Variants in SPATA22 observed in about 807,000 individuals in gnomAD.
SPATA22 encodes the protein spermatogenesis associated 22.
Under a neutral mutation model 47.8 loss-of-function variants are expected in SPATA22, and 29 were observed. That is an observed-to-expected ratio of 0.61 (90% CI 0.45 to 0.83). The LOEUF is 0.83. Among genes scored for constraint, SPATA22 ranks in the 40% least tolerant of loss-of-function variants. The probability of loss-of-function intolerance (pLI) is 0.00; values close to 1 mark genes in which losing one functional copy is unlikely to be tolerated. For missense variants in SPATA22, 410 were observed against 421.7 expected (o/e 0.97, Z 0.24); for synonymous variants, 133 against 140.9 (o/e 0.94, Z 0.40).
chr17:3,500,512 T>TTTTTGTTTTTTGG (rs1463285437), intron 1 of SPATA22: 1 of 2,620 alleles, frequency 3.8e-4, no homozygotes, highest in East Asian at 2.3e-3. Context: ...TGTTTTTTGT[T>TTTTTGTTTTTTGG]TTTTTTTTGA....
intron 1 of SPATA22, chr17:3,512,448 G>C: frequency 6.6e-6 from 1 of 152,198 alleles, no homozygotes; most frequent in South Asian, 2.1e-4. Context: ...TGCACTGCTA[G>C]GCCCCGACTC....
intron 7 of SPATA22, among the ~76,000 whole-genome samples, chr17:3,443,523 C>G (rs1429612450): frequency 6.6e-6 from 1 of 151,918 alleles, no homozygotes; most frequent in Non-Finnish European, 1.5e-5. Flanking sequence ...CAATAAATGG[C>G]CATCTGAAAC....
At position 3,467,539 on chromosome 17, in the gene SPATA22, G is replaced by T. The variant is rs1205492213; in HGVS notation, c.59C>A (p.Pro20Gln). The change falls in exon 3 of 9, where the codon CCG becomes CAG. Residue 20 changes from proline (P) to glutamine (Q), a missense_variant. Coordinates refer to ENST00000572969, the MANE Select transcript of SPATA22 (RefSeq NM_001170698.2). The part of the protein sequence containing the change: ...ARSTAGCLPV[P>Q]LFNQKKRNRQ... ...GTTCCTCTTTTTCTGATTGAACAACGGAACAGGCAAACAGCCTAAATTGAA... is the reference window on the plus strand; with the variant it reads ...GTTCCTCTTTTTCTGATTGAACAACTGAACAGGCAAACAGCCTAAATTGAA... The T allele has an allele frequency of 3.1e-6, 5 of 1,605,068 alleles. No individual in the cohort carries two copies. Among genetic ancestry groups the T allele is most frequent in the Non-Finnish European group, 3.4e-6 (4 of 1,176,072 alleles).
At chr17:3,471,936 C>T, upstream of SPATA22, 1 of 854,052 alleles carries the variant, frequency 1.2e-6, no homozygotes, top group Non-Finnish European at 1.4e-6. Flanking sequence ...TAACGCTCTT[C>T]CTTGGCGTTC....
intron 8 of SPATA22, 128 bp downstream of exon 8, chr17:3,443,046 T>C: frequency 1.6e-6 from 1 of 643,108 alleles, no homozygotes; most frequent in South Asian, 2.3e-5. Context: ...ACAACTTTCA[T>C]ATCAGAACTA....
chr17:3,484,341 G>T (rs1271846472), intron 1 of SPATA22, among the ~76,000 whole-genome samples: 1 of 152,166 alleles, frequency 6.6e-6, no homozygotes, highest in Non-Finnish European at 1.5e-5. Context: ...CCCTCAAACA[G>T]CTTCGTATGT....
upstream of SPATA22, chr17:3,475,984 A>G: frequency 1.6e-6 from 1 of 635,478 alleles, no homozygotes; most frequent in South Asian, 1.9e-5. Flanking sequence ...GGGAGTGTCC[A>G]TAAACGGGGC....
At chr17:3,482,037 A>G (rs888174142) in intron 1 of SPATA22, among the ~76,000 whole-genome samples, 1 of 152,212 alleles carries the variant, frequency 6.6e-6, no homozygotes, top group African/African-American at 2.4e-5. Context: ...ATAAAGTAAT[A>G]AAACACTTGT....
intron 1 of SPATA22, among the ~76,000 whole-genome samples, chr17:3,484,925 T>G (rs1267525586): frequency 1.3e-5 from 2 of 152,222 alleles, no homozygotes; most frequent in Admixed American, 1.3e-4. Context: ...TATCCCCTTC[T>G]GCAGGCTGAT....
At chr17:3,508,922 G>C (rs920212052) in intron 1 of SPATA22, among the ~76,000 whole-genome samples, 17 of 83,782 alleles carry the variant, frequency 2.0e-4, no homozygotes, top group Non-Finnish European at 4.3e-4. Context: ...AAAAAAAAAA[G>C]ACTTGGCATT....
intron 1 of SPATA22, among the ~76,000 whole-genome samples, chr17:3,505,337 T>C (rs1365037667): frequency 1.3e-5 from 2 of 152,224 alleles, no homozygotes; most frequent in Non-Finnish European, 2.9e-5. Context: ...TTTGTCTTAT[T>C]CTTTGTCGTA....
chr17:3,447,778 G>A (rs939907803), intron 6 of SPATA22, among the ~76,000 whole-genome samples: 12 of 152,120 alleles, frequency 7.9e-5, no homozygotes, highest in African/African-American at 2.9e-4. Context: ...AGCCACTGCT[G>A]GTGATGTAAC....
Position 3,468,958 on chromosome 17 carries a change from G to A in SPATA22, c.43+325C>T, listed in dbSNP as rs114239016. 2,677 of 493,158 alleles carry A rather than the reference G, an allele frequency of 5.4e-3. 85 individuals carry two copies. The highest frequency in any genetic ancestry group is 0.051 in the African/African-American group (2,505 of 49,246). The allele number at this position is 493,158 out of a possible 1,614,324, so 30.5% of individuals were successfully genotyped here. ...CTATTAGAAAGACAGAAGTGCTTCC[G>A]GAAATATTTTTAACAAGTAAGTCAC... On this transcript the variant is annotated intron_variant, in intron 2 of 8. Transcript: ENST00000572969.
At chr17:3,451,950 T>TAAAAAAAA (rs1322872514) in intron 5 of SPATA22, among the ~76,000 whole-genome samples, 1 of 126,626 alleles carries the variant, frequency 7.9e-6, no homozygotes, top group Non-Finnish European at 1.7e-5. Flanking sequence ...CTGTCTCAAT[T>TAAAAAAAA]AAAAAAAAAA....
At chr17:3,460,389 G>C (rs1257234710) in intron 5 of SPATA22, among the ~76,000 whole-genome samples, 1 of 151,954 alleles carries the variant, frequency 6.6e-6, no homozygotes, top group Non-Finnish European at 1.5e-5. Flanking sequence ...TTTTCATAAT[G>C]AGAATAGTAA....
chr17:3,480,861 T>G (rs1171984733), intron 1 of SPATA22, among the ~76,000 whole-genome samples: 1 of 152,226 alleles, frequency 6.6e-6, no homozygotes, highest in East Asian at 1.9e-4. Context: ...TCAGGTTAGA[T>G]CTCTTTCATT....
At chr17:3,460,449 T>C (rs758640451) in intron 5 of SPATA22, among the ~76,000 whole-genome samples, 2 of 152,134 alleles carry the variant, frequency 1.3e-5, no homozygotes, top group Non-Finnish European at 2.9e-5. Flanking sequence ...AATTTATGCA[T>C]TTATCTGAAC....
At position 3,510,577 on chromosome 17, in the gene SPATA22, G is replaced by C. The variant is rs886052835; in HGVS notation, c.-74+2835C>G. ...TGGCACAAACATGTTCTTACTCTTT[G>C]TATGATTTCTTTCTTGAACATAGAG... On this transcript the variant is annotated intron_variant, in intron 1 of 8. Coordinates refer to the SPATA22 transcript ENST00000541913. 2.6e-5 allele frequency: 4 copies of C among 152,200 alleles called. No individual in the cohort carries two copies. The highest frequency in any genetic ancestry group is 6.5e-5 in the Admixed American group (1 of 15,278). The allele number at this position is 152,200 out of a possible 1,614,324, so 9.4% of individuals were successfully genotyped here.
rs769104558 is a variant in SPATA22 at position 3,467,440 on chromosome 17, G to A, written c.158C>T (p.Pro53Leu). The A allele has an allele frequency of 2.5e-6, 4 of 1,597,602 alleles. No individual in the cohort carries two copies. The African/African-American group carries it at 5.4e-5, about 21-fold the overall frequency. Residue 53 changes from proline to leucine, a missense_variant, in exon 3 of 9, where the codon CCT (proline) becomes CTT (leucine). Pro to Leu is a moderately conservative substitution (Grantham distance 98, BLOSUM62 -3). Transcript: ENST00000572969. ...ISTPSDNYDFPPLPTDWAWEA... is the reference protein window; with the variant it reads ...ISTPSDNYDFLPLPTDWAWEA... ...AATTTTCTTACCTGTAGGTAGAGGA[G>A]GAAAATCATAATTGTCAGAAGGGGT...
Sources: allele counts gnomAD v4.1 joint callset (sites outside exome capture counted in the v4.1 genomes callset), GRCh38; gene constraint gnomAD v4.1.1; transcripts MANE v1.5; gene names NCBI Gene and HGNC (gene_info 2026-07-23, HGNC 2026-07-21).